The following SPATA3 variants were observed in gnomAD, a reference collection of about 807,000 sequenced individuals.
The protein encoded by SPATA3 is spermatogenesis associated 3.
Under a neutral mutation model 5.7 loss-of-function variants are expected in SPATA3, and 6 were observed. The observed-to-expected ratio is 1.06, with a 90% confidence interval of 0.58 to 2.09. SPATA3 has a LOEUF of 2.09. SPATA3 is among the 30% of genes most tolerant of loss of function. The pLI is 0.00. For missense variants in SPATA3, 155 were observed against 130.4 expected (o/e 1.19, Z -0.92); for synonymous variants, 44 against 48.4 (o/e 0.91, Z 0.37).
chr2:231,017,041 C>T (rs147244120), intron 6 of SPATA3, among the ~76,000 whole-genome samples: 7 of 152,308 alleles, frequency 4.6e-5, no homozygotes, highest in Non-Finnish European at 7.3e-5. Context: ...TAAACAGCTG[C>T]ATGGCGTTGC....
rs945298248 is a variant in SPATA3, at chr2:231,017,794, T to A, written c.*566-1926T>A. ...TTTGTGGGGAGTTTTGAATCTGTAG[T>A]AGAAATCTACATTAGTGAAGTAAAT... On this transcript the variant is annotated intron_variant, in intron 6 of 8. Transcript: ENST00000452881. 4.6e-5 allele frequency among the ~76,000 whole-genome samples: 7 copies of A among 152,174 alleles called. No individual in the cohort carries two copies. In the East Asian group the frequency reaches 1.3e-3, roughly 29 times the overall value.
downstream of SPATA3, among the ~76,000 whole-genome samples, chr2:231,010,388 C>G (rs182944809): frequency 2.3e-4 from 35 of 152,338 alleles, no homozygotes; most frequent in African/African-American, 8.4e-4. Flanking sequence ...TTCTTGGCCT[C>G]TCTGAGCAGC....
At chr2:231,000,495 T>A (rs1434797496) in exon 2 of SPATA3, 3 of 1,548,928 alleles carry the variant, frequency 1.9e-6, no homozygotes, top group Non-Finnish European at 1.7e-6. Context: ...GACTGGCAGA[T>A]GGCGCCAGGG....
chr2:231,005,053 C>A (rs1168408973), downstream of SPATA3, among the ~76,000 whole-genome samples: 2 of 142,554 alleles, frequency 1.4e-5, no homozygotes, highest in Admixed American at 1.4e-4. Flanking sequence ...TCACCACCAC[C>A]ACCATCACCA....
At chr2:231,014,468 T>C (rs1027655817) in intron 6 of SPATA3, among the ~76,000 whole-genome samples, 1 of 152,206 alleles carries the variant, frequency 6.6e-6, no homozygotes, top group Non-Finnish European at 1.5e-5. Flanking sequence ...ACTCACCCTC[T>C]TTCCCACATG....
At chr2:231,006,329 G>A (rs1248970526), downstream of SPATA3, among the ~76,000 whole-genome samples, 7 of 148,506 alleles carry the variant, frequency 4.7e-5, no homozygotes, top group East Asian at 4.0e-4. Flanking sequence ...GTGAAACCCC[G>A]TCTCTACTAA....
Position 231,002,663 on chromosome 2 carries a change from C to T in SPATA3, c.963-21C>T, listed in dbSNP as rs546756494. ...CTGAAGCCCAGCTTCCCACCACCCC[C>T]ACTTCTGCTTTGCTCTACAGAAAAT... On this transcript the variant is annotated intron_variant, in intron 2 of 2. Coordinates refer to ENST00000645363, the Ensembl canonical transcript of SPATA3. 226 of 1,439,434 alleles carry T rather than the reference C, an allele frequency of 1.6e-4. No individual in the cohort carries two copies. In the African/African-American group the frequency reaches 2.7e-3, roughly 17 times the overall value. 89.2% of individuals were successfully genotyped at this position (1,439,434 alleles called of 1,614,324 possible).
chr2:230,996,715 T>C (rs1692137549), intron 1 of SPATA3, among the ~76,000 whole-genome samples, 181 bp downstream of exon 1: 1 of 152,208 alleles, frequency 6.6e-6, no homozygotes, highest in Non-Finnish European at 1.5e-5. Flanking sequence ...CTGGGTTTTG[T>C]CATTTCTCAT....
At chr2:231,016,251 G>C (rs1335395618) in intron 6 of SPATA3, among the ~76,000 whole-genome samples, 1 of 152,112 alleles carries the variant, frequency 6.6e-6, no homozygotes, top group Non-Finnish European at 1.5e-5. Flanking sequence ...GGGCCTGCCT[G>C]TTCCCTTCCC....
At chr2:231,000,648 G>A (rs554288687) in intron 2 of SPATA3, 111 bp downstream of exon 2, 72 of 1,143,578 alleles carry the variant, frequency 6.3e-5, no homozygotes, top group South Asian at 2.8e-4. Flanking sequence ...ATCCCAGGCC[G>A]AAGGAAAGCC....
chr2:231,000,693 C>T (rs959460227), intron 2 of SPATA3, among the ~76,000 whole-genome samples, 156 bp downstream of exon 2: 1 of 152,220 alleles, frequency 6.6e-6, no homozygotes, highest in South Asian at 2.1e-4. Flanking sequence ...ACTTCCTGGA[C>T]GTTGGCAGGC....
intron 1 of SPATA3, among the ~76,000 whole-genome samples, 195 bp downstream of exon 1, chr2:230,996,729 C>G (rs537674515): frequency 1.1e-4 from 17 of 152,276 alleles, no homozygotes; most frequent in Middle Eastern, 3.4e-3. Flanking sequence ...TTCTCATCAT[C>G]CTGAGTCTCA....
At chr2:231,015,805 C>T (rs1692920001) in intron 6 of SPATA3, among the ~76,000 whole-genome samples, 2 of 152,202 alleles carry the variant, frequency 1.3e-5, no homozygotes, top group African/African-American at 4.8e-5. Context: ...AAGGCCTGGC[C>T]CTCTACGGAA....
chr2:230,996,277 G>A lies in SPATA3; in HGVS notation c.791-4089G>A, dbSNP rs1229050500. 2.7e-5 allele frequency: 41 copies of A among 1,529,570 alleles called. No homozygotes were observed. Among genetic ancestry groups the A allele is most frequent in the Middle Eastern group, 1.7e-4 (1 of 5,946 alleles). 94.7% of individuals were successfully genotyped at this position (1,529,570 alleles called of 1,614,324 possible). On this transcript the variant is annotated intron_variant, in intron 1 of 2. Coordinates refer to ENST00000645363, the Ensembl canonical transcript of SPATA3. ...AAAAGGTCAGAGGCCAGACGCCACC[G>A]AGACTCCACCTCCCAGCATGCTAGC... is the stretch of plus-strand genomic sequence containing the variant.
At chr2:230,999,439 T>C (rs543345443) in intron 1 of SPATA3, 1 of 152,290 alleles carries the variant, frequency 6.6e-6, no homozygotes, top group South Asian at 2.1e-4. Context: ...AGTCTTGCCT[T>C]TAGAATCCCC....
At chr2:231,005,478 C>CATCACTATCAT (rs1692574542), downstream of SPATA3, among the ~76,000 whole-genome samples, 3 of 5,392 alleles carry the variant, frequency 5.6e-4, no homozygotes, top group Admixed American at 1.7e-3. Flanking sequence ...ACCATCATCA[C>CATCACTATCAT]CACCACCACC....
chr2:231,005,502 TCAC>T (rs1692579140), downstream of SPATA3, among the ~76,000 whole-genome samples: 6 of 33,842 alleles, frequency 1.8e-4, no homozygotes, highest in Non-Finnish European at 2.7e-4. Context: ...ACCACCATCA[TCAC>T]CACCACCACC....
chr2:231,012,209 G>C (rs1304226180), downstream of SPATA3, among the ~76,000 whole-genome samples: 3 of 152,212 alleles, frequency 2.0e-5, no homozygotes. Flanking sequence ...ACTCCTCCAG[G>C]AGGGGCCTCG....
chr2:231,018,075 C>A (rs1189247806), intron 6 of SPATA3, among the ~76,000 whole-genome samples: 2 of 152,106 alleles, frequency 1.3e-5, no homozygotes, highest in African/African-American at 4.8e-5. Context: ...CAGGAGCACA[C>A]CACCCCGCCC....
Sources: allele counts gnomAD v4.1 joint callset (sites outside exome capture counted in the v4.1 genomes callset), GRCh38; gene constraint gnomAD v4.1.1; transcripts MANE v1.5; gene names NCBI Gene and HGNC (gene_info 2026-07-23, HGNC 2026-07-21).